Variants in CROT observed in about 807,000 individuals in gnomAD.
The protein encoded by CROT is carnitine O-octanoyltransferase, also known as peroxisomal carnitine O-octanoyltransferase.
In CROT, 84 loss-of-function variants were observed where a neutral mutation model predicts 89.2. The ratio of observed to expected loss-of-function variants is 0.94; its 90% confidence interval spans 0.79 to 1.13. The LOEUF is 1.13. Among genes scored for constraint, CROT ranks in the 50% most tolerant of loss-of-function variants. The pLI is 0.00. For missense variants in CROT, 711 were observed against 727.8 expected, an observed-to-expected ratio of 0.98 and a Z score of 0.27; for synonymous variants, 212 against 239.5, an observed-to-expected ratio of 0.89 and a Z score of 1.06.
At chr7:87,393,744 G>A (rs1282189430) in intron 17 of CROT, among the ~76,000 whole-genome samples, 1 of 152,112 alleles carries the variant, frequency 6.6e-6, no homozygotes, top group Non-Finnish European at 1.5e-5. Flanking sequence ...CAGGCTTGGA[G>A]GCACTTCAGA....
chr7:87,349,309 G>C, intron 3 of CROT, 126 bp downstream of exon 3: 1 of 469,836 alleles, frequency 2.1e-6, no homozygotes, highest in East Asian at 3.4e-5. Flanking sequence ...ATCTCTTGCA[G>C]GAAGGAATTC....
At chr7:87,362,272 T>G (rs541116468) in intron 6 of CROT, among the ~76,000 whole-genome samples, 1 of 151,842 alleles carries the variant, frequency 6.6e-6, no homozygotes, top group Non-Finnish European at 1.5e-5. Context: ...TCCCTCCACC[T>G]TATATGAGGT....
intron 7 of CROT, among the ~76,000 whole-genome samples, chr7:87,372,007 C>CA (rs61300907): frequency 0.014 from 1,731 of 123,940 alleles, 24 homozygotes; most frequent in African/African-American, 0.046. Context: ...AAAAAAAAAA[C>CA]AAAAAAAAAA....
chr7:87,389,320 A>G (rs1584648263), intron 13 of CROT, among the ~76,000 whole-genome samples: 1 of 152,334 alleles, frequency 6.6e-6, no homozygotes, highest in East Asian at 1.9e-4. Context: ...AGATACATGC[A>G]CACATATGTA....
rs532497124 is a variant in CROT, at chr7:87,387,699, C to A, written c.1302-3890C>A. ...GGGCATGGTGGCTCACACCTGTAAA[C>A]CCAGCACTTTGGGAGGCTGAGGCAG... On this transcript the variant is annotated intron_variant, in intron 13 of 17. Transcript: ENST00000331536. Among the ~76,000 whole-genome samples, 10 of 152,252 alleles carry A rather than the reference C, an allele frequency of 6.6e-5. No homozygotes were observed. In the East Asian group the frequency reaches 1.2e-3, roughly 18 times the overall value.
chr7:87,361,527 T>A lies in CROT; in HGVS notation c.378T>A (p.Ser126Arg). The A allele has an allele frequency of 6.2e-7, 1 of 1,607,240 alleles. No individual in the cohort carries two copies. The highest frequency in any genetic ancestry group is 1.1e-5 in the South Asian group (1 of 89,886). ...PKEGTQLERG[S>R]ITLWHNLNYW... is the part of the protein sequence containing the mutation. ...AAGGGACTCAATTAGAAAGAGGAAG[T>A]ATAACTCTTTGGCATAACTTGAACT... is the stretch of plus-strand genomic sequence containing the variant. The change falls in exon 5 of 18, where the codon AGT becomes AGA. Residue 126 changes from serine (S) to arginine (R), a missense_variant. Ser to Arg is a moderately radical substitution (Grantham distance 110). Coordinates refer to ENST00000331536, the MANE Select transcript of CROT (RefSeq NM_021151.4).
intron 3 of CROT, among the ~76,000 whole-genome samples, chr7:87,351,003 T>A (rs992888039): frequency 3.3e-5 from 5 of 150,954 alleles, no homozygotes; most frequent in Non-Finnish European, 7.4e-5. Flanking sequence ...GGTGTCTTTT[T>A]GATATATTAG....
chr7:87,389,315 C>A (rs747629586), intron 13 of CROT, among the ~76,000 whole-genome samples: 1 of 152,178 alleles, frequency 6.6e-6, no homozygotes, highest in East Asian at 1.9e-4. Flanking sequence ...TATAAAGATA[C>A]ATGCACACAT....
At chr7:87,358,203 C>T (rs143471653) in intron 3 of CROT, among the ~76,000 whole-genome samples, 25 of 152,048 alleles carry the variant, frequency 1.6e-4, no homozygotes, top group South Asian at 1.2e-3. Flanking sequence ...ACAGGCCGTG[C>T]GCAGTGCCTC....
chr7:87,389,196 AT>A (rs1481101814), intron 13 of CROT, among the ~76,000 whole-genome samples: 2 of 152,226 alleles, frequency 1.3e-5, no homozygotes, highest in Non-Finnish European at 2.9e-5. Flanking sequence ...TAGTTCAACC[AT>A]TGCAGAAGAC....
At position 87,375,722 on chromosome 7, in the gene CROT, T is replaced by G. The variant is rs779391617; in HGVS notation, c.747T>G (p.Ala249=). 1.2e-6 allele frequency: 2 copies of G among 1,613,314 alleles called. No homozygotes were observed. The highest frequency in any genetic ancestry group is 1.7e-6 in the Non-Finnish European group (2 of 1,179,444). ...CTAGTGAGGAGCGAACTCGATGGGC[T>G]AAGGTTCTGATTTACACTTTTCTTA... ...ALTSEERTRW[A]KAREYLIGLD... Residue 249 remains alanine (A), a synonymous_variant, in exon 8 of 18, where the codon GCT becomes GCG. Transcript: ENST00000331536.
intron 13 of CROT, among the ~76,000 whole-genome samples, chr7:87,389,670 T>C (rs1191171504): frequency 1.3e-5 from 2 of 152,082 alleles, no homozygotes; most frequent in Non-Finnish European, 2.9e-5. Flanking sequence ...ATGCCTAATG[T>C]AGATGATGGG....
chr7:87,397,325 TG>T (rs1422220257), intron 17 of CROT, among the ~76,000 whole-genome samples: 1 of 148,710 alleles, frequency 6.7e-6, no homozygotes, highest in South Asian at 2.2e-4. Context: ...CACTCCAGTC[TG>T]GGCAACAGAG....
intron 14 of CROT, 114 bp downstream of exon 14, chr7:87,391,826 T>C (rs912360800): frequency 9.7e-7 from 1 of 1,031,230 alleles, no homozygotes. Context: ...TTAAAATACT[T>C]TGAGACATCT....
intron 13 of CROT, among the ~76,000 whole-genome samples, chr7:87,389,944 A>C (rs1807308181): frequency 6.6e-6 from 1 of 152,094 alleles, no homozygotes; most frequent in Non-Finnish European, 1.5e-5. Flanking sequence ...GTTCCAAATA[A>C]ATTTTACACA....
intron 13 of CROT, among the ~76,000 whole-genome samples, chr7:87,383,398 A>C (rs925637019): frequency 6.6e-6 from 1 of 152,162 alleles, no homozygotes; most frequent in African/African-American, 2.4e-5. Flanking sequence ...TCACTTAACA[A>C]AAAGTTATCC....
chr7:87,376,471 C>A (rs561403895), intron 9 of CROT, among the ~76,000 whole-genome samples: 1 of 152,000 alleles, frequency 6.6e-6, no homozygotes, highest in Admixed American at 6.6e-5. Context: ...CCCCTGCCAC[C>A]CCCAGGGTGA....
chr7:87,349,843 T>G (rs1366185092), intron 3 of CROT, among the ~76,000 whole-genome samples: 1 of 152,048 alleles, frequency 6.6e-6, no homozygotes, highest in Non-Finnish European at 1.5e-5. Flanking sequence ...AGGGTGAAGG[T>G]TGTTCTTTTG....
chr7:87,348,321 T>A (rs1805757044), intron 2 of CROT, among the ~76,000 whole-genome samples: 1 of 152,214 alleles, frequency 6.6e-6, no homozygotes, highest in Non-Finnish European at 1.5e-5. Flanking sequence ...TAGCAATTAA[T>A]ACACGTGTCA....
Sources: gnomAD v4.1 joint callset for allele counts (sites outside exome capture counted in the v4.1 genomes callset) on GRCh38, gnomAD v4.1.1 for gene constraint, MANE v1.5 for transcripts, NCBI Gene and HGNC (gene_info 2026-07-23, HGNC 2026-07-21) for gene names.